SLC8A1: variants seen among roughly 807,000 people sequenced by gnomAD.
The protein encoded by SLC8A1 is solute carrier family 8 member A1, also known as sodium/calcium exchanger 1.
Under a neutral mutation model 68.3 loss-of-function variants are expected in SLC8A1, and 18 were observed. The ratio of observed to expected loss-of-function variants is 0.26; its 90% confidence interval spans 0.18 to 0.39. SLC8A1 has a LOEUF of 0.39. Ranked by LOEUF, SLC8A1 falls within the 10% of genes least tolerant of loss-of-function variation. The pLI, the probability that SLC8A1 is intolerant of heterozygous loss-of-function variation, is 1.00. For synonymous variants in SLC8A1, 475 were observed against 415.5 expected (o/e 1.14, Z -1.74); for missense variants, 985 against 1,156.7 (o/e 0.85, Z 2.15).
intron 1 of SLC8A1, among the ~76,000 whole-genome samples, chr2:40,440,451 T>A (rs1437403713): frequency 2.0e-5 from 3 of 152,168 alleles, no homozygotes; most frequent in Non-Finnish European, 4.4e-5. Flanking sequence ...TTTTCATCAA[T>A]ATCAATGATT....
intron 2 of SLC8A1, among the ~76,000 whole-genome samples, chr2:40,194,722 G>A (rs540379777): frequency 6.6e-6 from 1 of 151,296 alleles, no homozygotes; most frequent in Non-Finnish European, 1.5e-5. Flanking sequence ...AGGCCAAGGT[G>A]ATAGCAAGGG....
rs527910979 is a variant in SLC8A1, at chr2:40,203,997, T to C, written c.1809-26142A>G. 1.9e-3 allele frequency among the ~76,000 whole-genome samples: 295 copies of C among 152,146 alleles called. 1 individual carries two copies. Among genetic ancestry groups the C allele is most frequent in the African/African-American group, 7.0e-3 (289 of 41,540 alleles). ...TCCCAAAGTGCTGGGATTATAGGTG[T>C]GAGCCACCGTGCCCAGCTGGTGAAG... On this transcript the variant is annotated intron_variant, in intron 2 of 7. Transcript: ENST00000406785.
At chr2:40,200,875 A>G (rs1229556465) in intron 2 of SLC8A1, among the ~76,000 whole-genome samples, 2 of 151,914 alleles carry the variant, frequency 1.3e-5, no homozygotes, top group African/African-American at 4.8e-5. Context: ...CCACTTAAAT[A>G]TTTATATATG....
rs559400461 is a variant in SLC8A1 at position 40,321,037 on chromosome 2, G to A, written c.1808+107436C>T. Among the ~76,000 whole-genome samples, 15 of 152,194 alleles carry A rather than the reference G, an allele frequency of 9.9e-5. No homozygotes were observed. In the South Asian group the frequency reaches 2.7e-3, roughly 27 times the overall value. On this transcript the variant is annotated intron_variant, in intron 2 of 7. Transcript: ENST00000406785. Reference sequence around the variant, plus strand: ...ACAGGGAAGAGGCTGTAAACTCCCTGAATTGGGAGCTAAAAACCCTTTGTT... The same window carrying A: ...ACAGGGAAGAGGCTGTAAACTCCCTAAATTGGGAGCTAAAAACCCTTTGTT...
chr2:40,412,866 A>C (rs12052650), intron 2 of SLC8A1, among the ~76,000 whole-genome samples: 3 of 152,094 alleles, frequency 2.0e-5, no homozygotes, highest in Non-Finnish European at 4.4e-5. Flanking sequence ...CTGAAATGCT[A>C]GAGTGTAATC....
chr2:40,315,332 G>C (rs1036467601), intron 2 of SLC8A1, among the ~76,000 whole-genome samples: 1 of 151,578 alleles, frequency 6.6e-6, no homozygotes, highest in South Asian at 2.1e-4. Flanking sequence ...TATTAATGCT[G>C]AATTGCAAAA....
intron 2 of SLC8A1, among the ~76,000 whole-genome samples, chr2:40,424,427 TATA>T (rs1469344583): frequency 6.6e-6 from 1 of 151,804 alleles, no homozygotes; most frequent in Non-Finnish European, 1.5e-5. Context: ...TTCCCTGGAA[TATA>T]ATAATAATTC....
intron 2 of SLC8A1, among the ~76,000 whole-genome samples, chr2:40,257,834 G>A (rs994044278): frequency 1.3e-5 from 2 of 152,128 alleles, no homozygotes; most frequent in Admixed American, 1.3e-4. Context: ...TTCCTATCTG[G>A]TTGGATGGCA....
intron 1 of SLC8A1, among the ~76,000 whole-genome samples, chr2:40,504,928 CAT>C (rs2149940452): frequency 6.6e-6 from 1 of 151,956 alleles, no homozygotes; most frequent in South Asian, 2.1e-4. Context: ...AATTGAGCTA[CAT>C]TTAATCCAGT....
At chr2:40,302,073 G>GTGTGTGTGT (rs1211280078) in intron 2 of SLC8A1, among the ~76,000 whole-genome samples, 4 of 142,760 alleles carry the variant, frequency 2.8e-5, no homozygotes, top group African/African-American at 8.1e-5. Flanking sequence ...GTGTGTGTGT[G>GTGTGTGTGT]TTTAGTAGAG....
intron 1 of SLC8A1, among the ~76,000 whole-genome samples, chr2:40,439,362 A>G (rs544596318): frequency 1.5e-4 from 23 of 152,282 alleles, no homozygotes; most frequent in Non-Finnish European, 1.3e-4. Context: ...ATGCAGAAAC[A>G]TGAACCCCAA....
chr2:40,257,968 C>G (rs562903539), intron 2 of SLC8A1, among the ~76,000 whole-genome samples: 1 of 152,162 alleles, frequency 6.6e-6, no homozygotes, highest in Non-Finnish European at 1.5e-5. Context: ...AGGAGAATGG[C>G]GGGTGCCTGC....
intron 2 of SLC8A1, among the ~76,000 whole-genome samples, chr2:40,266,404 A>G (rs1179638416): frequency 6.6e-6 from 1 of 152,142 alleles, no homozygotes; most frequent in Non-Finnish European, 1.5e-5. Context: ...AAGGACAGGT[A>G]AATTTCCATG....
chr2:40,164,456 A>G (rs547398652), intron 5 of SLC8A1, among the ~76,000 whole-genome samples: 2 of 152,298 alleles, frequency 1.3e-5, no homozygotes, highest in East Asian at 1.9e-4. Context: ...AAAGCCTCCT[A>G]ATTTTCAGCA....
intron 2 of SLC8A1, among the ~76,000 whole-genome samples, chr2:40,215,191 A>G (rs2057266940): frequency 1.3e-5 from 2 of 152,132 alleles, no homozygotes; most frequent in East Asian, 1.9e-4. Flanking sequence ...CTTTAGAGAT[A>G]GGATCTTACT....
At chr2:40,337,591 C>G (rs192374847) in intron 2 of SLC8A1, among the ~76,000 whole-genome samples, 14 of 152,232 alleles carry the variant, frequency 9.2e-5, no homozygotes, top group African/African-American at 3.4e-4. Flanking sequence ...ATGGATTCAT[C>G]TCCTTATTTT....
intron 2 of SLC8A1, among the ~76,000 whole-genome samples, chr2:40,180,300 T>C (rs369623660): frequency 1.4e-4 from 22 of 152,338 alleles, no homozygotes; most frequent in South Asian, 8.3e-4. Flanking sequence ...ATCCAAAAAT[T>C]ATAAAATATT....
intron 2 of SLC8A1, among the ~76,000 whole-genome samples, chr2:40,362,369 C>T (rs554326959): frequency 2.6e-4 from 39 of 152,034 alleles, no homozygotes; most frequent in South Asian, 1.0e-3. Flanking sequence ...TTTATTTGTA[C>T]TTAAAAAGGT....
chr2:40,483,835 C>G (rs889977156), intron 1 of SLC8A1, among the ~76,000 whole-genome samples: 2 of 152,102 alleles, frequency 1.3e-5, no homozygotes, highest in African/African-American at 4.8e-5. Context: ...CTAAGAATGA[C>G]AAAATATCAA....
Sources: gnomAD v4.1 joint callset for allele counts (sites outside exome capture counted in the v4.1 genomes callset) on GRCh38, gnomAD v4.1.1 for gene constraint, MANE v1.5 for transcripts, NCBI Gene and HGNC (gene_info 2026-07-23, HGNC 2026-07-21) for gene names.